The following HERC1 variants were observed in gnomAD, a reference collection of about 807,000 sequenced individuals.
HERC1 encodes the protein HECT and RLD domain containing E3 ubiquitin protein ligase family member 1.
HERC1 carries 160 observed loss-of-function variants against 554.3 expected under a neutral mutation model. The ratio of observed to expected loss-of-function variants is 0.29; its 90% CI spans 0.25 to 0.33. The LOEUF is 0.33. HERC1 is among the 10% of genes least tolerant of loss of function. The probability of loss-of-function intolerance (pLI) is 1.00; values close to 1 mark genes in which losing one functional copy is unlikely to be tolerated. For synonymous variants in HERC1, 2,175 were observed against 2,131.7 expected (o/e 1.02, Z -0.56); for missense variants, 4,919 against 5,918.5 (o/e 0.83, Z 5.54).
intron 2 of HERC1, among the ~76,000 whole-genome samples, chr15:63,770,145 C>CG (rs969501912): frequency 4.6e-5 from 7 of 152,226 alleles, no homozygotes; most frequent in Admixed American, 4.6e-4. Context: ...CCATACATCC[C>CG]GGGGCTTGCT....
Position 63,758,216 on chromosome 15 carries a change from G to A in HERC1, c.1180C>T (p.Leu394=). The A allele has an allele frequency of 6.2e-7, 1 of 1,612,658 alleles. No individual in the cohort carries two copies. Among genetic ancestry groups the A allele is most frequent in the South Asian group, 1.1e-5 (1 of 91,030 alleles). Residue 394 remains leucine (L), a synonymous_variant, in exon 4 of 78, where the codon CTG becomes TTG. Transcript: ENST00000443617. This position sits in a 1 kb window ranked among gnomAD's most constrained non-coding sequence, Gnocchi z 4.0. ...AAACTAGGAGCCAGTTTGGGTTGCA[G>A]TATTTTCTCCTGTGTACCTTCTACC... is the stretch of plus-strand genomic sequence containing the variant. ...QLVEGTQEKI[L]QPKLAPSFSD... is the part of the protein sequence containing the mutation.
intron 24 of HERC1, among the ~76,000 whole-genome samples, chr15:63,707,826 G>C (rs149979885): frequency 0.011 from 1,594 of 151,022 alleles, 21 homozygotes; most frequent in African/African-American, 0.037. Context: ...CTACTTGGGA[G>C]GCTAAGGCAG....
At chr15:63,763,979 T>A (rs2142398185) in intron 3 of HERC1, 117 bp downstream of exon 3, 15 of 276,100 alleles carry the variant, frequency 5.4e-5, no homozygotes, top group Non-Finnish European at 8.1e-5. Flanking sequence ...AGGTAACAAC[T>A]GGTGCCACTT....
Position 63,628,784 on chromosome 15 carries a change from T to C in HERC1, c.12998A>G (p.Glu4333Gly). 1 of 1,613,994 alleles carries C rather than the reference T, an allele frequency of 6.2e-7. No individual in the cohort carries two copies. The highest frequency in any genetic ancestry group is 2.2e-5 in the East Asian group (1 of 44,884). Residue 4333 changes from glutamate to glycine, a missense_variant, in exon 70 of 78, where the codon GAA becomes GGA. Transcript: ENST00000443617. The stretch of plus-strand genomic sequence containing the variant: ...TTGCAGACCTGTTACCAGGGTTGGT[T>C]CTCGAACATGGTTGGTATGGCCTAA... Reference protein sequence around the residue: ...LGLGHTNHVREPTLVTGLQGK... With the variant: ...LGLGHTNHVRGPTLVTGLQGK...
intron 24 of HERC1, among the ~76,000 whole-genome samples, chr15:63,708,011 A>G (rs1218902663): frequency 6.6e-6 from 1 of 151,678 alleles, no homozygotes; most frequent in African/African-American, 2.4e-5. Flanking sequence ...TTACCTGGTC[A>G]TATATATAGA....
In HERC1 at chr15:63,774,676, G is replaced by A. The variant is rs2076067689; in HGVS notation, c.930+18C>T. 6.5e-7 allele frequency: 1 copy of A among 1,535,050 alleles called. No individual in the cohort carries two copies. Among genetic ancestry groups the A allele is most frequent in the Admixed American group, 2.2e-5 (1 of 46,206 alleles). On this transcript the variant is annotated intron_variant, in intron 2 of 77. Coordinates refer to ENST00000443617, the MANE Select transcript of HERC1 (RefSeq NM_003922.4). The stretch of plus-strand genomic sequence containing the variant: ...AAAAACTATTATGAACTTTAAAGTT[G>A]AGACTTATAGTACGTACCAAAGAAC...
rs578085583 is a variant in HERC1, at chr15:63,759,341, A to G, written c.1027-972T>C. On this transcript the variant is annotated intron_variant, in intron 3 of 77. Coordinates refer to ENST00000443617, the MANE Select transcript of HERC1 (RefSeq NM_003922.4). ...ATAAAATAAAAATCATGGCTTATTTACCATTTCTGTAGAATATAATGGTAA... is the reference window on the plus strand; with the variant it reads ...ATAAAATAAAAATCATGGCTTATTTGCCATTTCTGTAGAATATAATGGTAA... Among the ~76,000 whole-genome samples, 250 of 152,360 alleles carry G rather than the reference A, an allele frequency of 1.6e-3. No homozygotes were observed. In the Middle Eastern group the frequency reaches 0.031, roughly 19 times the overall value.
In HERC1 at chr15:63,734,023, C is replaced by T. The variant is rs1042711589; in HGVS notation, c.2646+701G>A. 2.0e-5 allele frequency among the ~76,000 whole-genome samples: 3 copies of T among 151,808 alleles called. No individual in the cohort carries two copies. Among genetic ancestry groups the T allele is most frequent in the African/African-American group, 7.3e-5 (3 of 41,316 alleles). On this transcript the variant is annotated intron_variant, in intron 13 of 77. Coordinates refer to ENST00000443617, the MANE Select transcript of HERC1 (RefSeq NM_003922.4). The surrounding 1 kb of genome is among the most constrained non-coding windows in gnomAD (Gnocchi z 4.6). ...ATAAAAATAAGAAAAAAAAATTAGC[C>T]GGGTGTGGTGGCACGTGCCAGCAGT...
chr15:63,710,931 A>G (rs1249741207), intron 24 of HERC1, among the ~76,000 whole-genome samples: 2 of 152,222 alleles, frequency 1.3e-5, no homozygotes, highest in African/African-American at 4.8e-5. Context: ...GGACCAGACC[A>G]TGAAGAGCCT....
chr15:63,814,604 G>A (rs1241612148), intron 1 of HERC1, among the ~76,000 whole-genome samples: 3 of 152,146 alleles, frequency 2.0e-5, no homozygotes, highest in Non-Finnish European at 4.4e-5. Context: ...TTACAGGCGT[G>A]CACCATCACA....
At chr15:63,717,851 G>A (rs770239205) in intron 21 of HERC1, among the ~76,000 whole-genome samples, 1 of 152,104 alleles carries the variant, frequency 6.6e-6, no homozygotes, top group East Asian at 1.9e-4. Context: ...CAGCCTGAGC[G>A]ACAGAGCGAG....
chr15:63,651,772 C>T (rs889842139), intron 52 of HERC1, among the ~76,000 whole-genome samples: 35 of 152,318 alleles, frequency 2.3e-4, no homozygotes, highest in African/African-American at 8.4e-4. Context: ...GGCGTAGTGG[C>T]TCACATCTGT....
chr15:63,611,108 T>C (rs1217956843), intron 77 of HERC1, among the ~76,000 whole-genome samples: 3 of 152,160 alleles, frequency 2.0e-5, no homozygotes, highest in African/African-American at 4.8e-5. Flanking sequence ...GAAGAAGGAC[T>C]TACTAAAGCA....
chr15:63,613,190 G>A (rs1030682942), intron 76 of HERC1, among the ~76,000 whole-genome samples: 8 of 152,084 alleles, frequency 5.3e-5, no homozygotes, highest in Middle Eastern at 3.2e-3. Flanking sequence ...TAATTTTTCC[G>A]TCTGAAAAAA....
intron 1 of HERC1, among the ~76,000 whole-genome samples, chr15:63,832,679 G>C (rs944598207): frequency 6.6e-6 from 1 of 152,156 alleles, no homozygotes; most frequent in African/African-American, 2.4e-5. Context: ...TTTTGGAAAA[G>C]GGCCCAGTGA....
intron 12 of HERC1, among the ~76,000 whole-genome samples, chr15:63,743,902 C>T (rs2074929605): frequency 6.6e-6 from 1 of 152,180 alleles, no homozygotes; most frequent in African/African-American, 2.4e-5. Context: ...TTGTAGTCTT[C>T]ACTGTCTGGG....
chr15:63,741,994 G>A (rs1440558650), intron 12 of HERC1, among the ~76,000 whole-genome samples: 4 of 152,144 alleles, frequency 2.6e-5, no homozygotes, highest in Non-Finnish European at 4.4e-5. Context: ...TATGATTTTA[G>A]GATCAGCTTA....
chr15:63,720,181 G>A (rs2073757906), intron 19 of HERC1, among the ~76,000 whole-genome samples: 1 of 144,796 alleles, frequency 6.9e-6, no homozygotes. Flanking sequence ...ATAGCTCACT[G>A]CAGTCTCAAA....
intron 25 of HERC1, among the ~76,000 whole-genome samples, chr15:63,702,431 G>A (rs1230027720): frequency 6.6e-6 from 1 of 152,138 alleles, no homozygotes; most frequent in Non-Finnish European, 1.5e-5. Flanking sequence ...AAACCACACA[G>A]TATTTTAACT....
Sources: allele counts gnomAD v4.1 joint callset (sites outside exome capture counted in the v4.1 genomes callset), GRCh38; gene constraint gnomAD v4.1.1; non-coding constraint Gnocchi (gnomAD v3.1); transcripts MANE v1.5; gene names NCBI Gene and HGNC (gene_info 2026-07-23, HGNC 2026-07-21).